TPRN: variants seen among roughly 807,000 people sequenced by gnomAD.
TPRN encodes the protein chromosome 9 open reading frame 75.
A neutral mutation model predicts 42.6 loss-of-function variants in TPRN; 32 were observed. The ratio of observed to expected loss-of-function variants is 0.75; its 90% CI spans 0.57 to 1.01. The LOEUF is 1.01. Among genes scored for constraint, TPRN ranks in the 50% least tolerant of loss-of-function variants. The pLI, the probability that TPRN is intolerant of heterozygous loss-of-function variation, is 0.00. For missense variants in TPRN, 1,095 were observed against 957.5 expected (o/e 1.14, Z -1.90); for synonymous variants, 541 against 445.6 (o/e 1.21, Z -2.70).
Position 137,192,009 on chromosome 9 carries a change from G to A in TPRN, c.*103C>T. The A allele has an allele frequency of 7.0e-7, 1 of 1,437,354 alleles. No homozygotes were observed. The highest frequency in any genetic ancestry group is 9.6e-7 in the Non-Finnish European group (1 of 1,046,736). 89.0% of individuals were successfully genotyped at this position (1,437,354 alleles called of 1,614,324 possible). The stretch of plus-strand genomic sequence containing the variant: ...GGCCAGGAGGGGTGGGTGGGATACA[G>A]TGAGGCCAAACAAGGCAGAAGCGGG... On this transcript the variant is annotated 3_prime_UTR_variant, in exon 4 of 4. Transcript: ENST00000409012.
chr9:137,192,364 G>C lies in TPRN; in HGVS notation c.1968C>G (p.Gly656=). 1 of 1,612,796 alleles carries C rather than the reference G, an allele frequency of 6.2e-7. No homozygotes were observed. The highest frequency in any genetic ancestry group is 8.5e-7 in the Non-Finnish European group (1 of 1,179,940). Residue 656 remains glycine (G), a splice_region_variant and synonymous_variant, in exon 3 of 4, where the codon GGC becomes GGG. Coordinates refer to ENST00000409012, the MANE Select transcript of TPRN (RefSeq NM_001128228.3). ...ESSRLPEGSS[G]LSSYTPKHSV... The stretch of plus-strand genomic sequence containing the variant: ...AGTGCTTCGGGGTGTAGCTGGACAG[G>C]CCTGTGAATGGAGGTGCACATGCAG...
chr9:137,193,075 G>A lies in TPRN; in HGVS notation c.1726-384C>T, dbSNP rs1834650997. On this transcript the variant is annotated intron_variant, in intron 1 of 3. Coordinates refer to ENST00000409012, the MANE Select transcript of TPRN (RefSeq NM_001128228.3). ...GGGTGGACACATCCCCTCCCACCAA[G>A]CAGCTCTAGAGCAGGAACAGGGTGG... The A allele has an allele frequency of 4.5e-5, 13 of 287,022 alleles. 1 individual carries two copies. In the South Asian group the frequency reaches 5.3e-4, roughly 12 times the overall value. The allele number at this position is 287,022 out of a possible 1,614,324, so 17.8% of individuals were successfully genotyped here. A position where few individuals can be genotyped will look rare whatever the true frequency, so the allele number is the denominator to read the frequency against.
intron 1 of TPRN, chr9:137,193,639 C>T (rs576558766): frequency 3.1e-4 from 47 of 152,516 alleles, no homozygotes; most frequent in African/African-American, 8.7e-4. Context: ...GCACTCAGCC[C>T]GGCCCCAGTG....
Position 137,199,063 on chromosome 9 carries a change from T to C in TPRN, c.1649A>G (p.His550Arg), listed in dbSNP as rs369314276. The change falls in exon 1 of 4, where the codon CAT (histidine) becomes CGT (arginine). Residue 550 changes from histidine to arginine, a missense_variant. Transcript: ENST00000409012. The part of the protein sequence containing the change: ...PTLKKRYPTV[H>R]EIEVIGGYLA... Reference sequence around the variant, plus strand: ...GTAGCCGCCAATCACCTCGATCTCATGCACGGTGGGGTAGCGCTTCTTCAA... The same window carrying C: ...GTAGCCGCCAATCACCTCGATCTCACGCACGGTGGGGTAGCGCTTCTTCAA... 1.2e-5 allele frequency: 20 copies of C among 1,613,210 alleles called. No individual in the cohort carries two copies. Among genetic ancestry groups the C allele is most frequent in the Non-Finnish European group, 1.6e-5 (19 of 1,180,008 alleles).
In TPRN at chr9:137,199,628, A is replaced by G; in HGVS notation, c.1084T>C (p.Ser362Pro). 6.4e-7 allele frequency: 1 copy of G among 1,562,714 alleles called. No homozygotes were observed. ...ELPKGDLGPA[S>P]PSQELGSQPV... ...TGGGATCCGAGCTCCTGGCTCGGGGAGGCCGGGCCCAGGTCTCCCTTTGGC... is the reference window on the plus strand; with the variant it reads ...TGGGATCCGAGCTCCTGGCTCGGGGGGGCCGGGCCCAGGTCTCCCTTTGGC... Residue 362 changes from serine (S) to proline (P), a missense_variant, in exon 1 of 4, where the codon TCC becomes CCC. By Grantham distance (74) the Ser-to-Pro change is moderately conservative. Coordinates refer to ENST00000409012, the MANE Select transcript of TPRN (RefSeq NM_001128228.3).
rs1207198808 is a variant in TPRN, at chr9:137,192,431, T to C, written c.1966+20A>G. 1.9e-6 allele frequency: 3 copies of C among 1,608,840 alleles called. No individual in the cohort carries two copies. Among genetic ancestry groups the C allele is most frequent in the African/African-American group, 2.7e-5 (2 of 74,864 alleles). The stretch of plus-strand genomic sequence containing the variant: ...GGCTCCACCCCTCCCAGGCTGCCTG[T>C]CCCCCAGGTGGGCACTCACCTGAGC... On this transcript the variant is annotated intron_variant, in intron 2 of 3. Transcript: ENST00000409012.
rs1834767526 is a variant in TPRN, at chr9:137,199,651, G to C, written c.1061C>G (p.Pro354Arg). The change falls in exon 1 of 4, where the codon CCA becomes CGA. Residue 354 changes from proline to arginine, a missense_variant. By Grantham distance (103) the Pro-to-Arg change is moderately radical. Transcript: ENST00000409012. ...PPEGRQSVEL[P>R]KGDLGPASPS... Reference sequence around the variant, plus strand: ...GGAGGCCGGGCCCAGGTCTCCCTTTGGCAGCTCCACGGACTGCCTCCCCTC... The same window carrying C: ...GGAGGCCGGGCCCAGGTCTCCCTTTCGCAGCTCCACGGACTGCCTCCCCTC... 2 of 1,578,250 alleles carry C rather than the reference G, an allele frequency of 1.3e-6. No homozygotes were observed. The highest frequency in any genetic ancestry group is 1.1e-5 in the South Asian group (1 of 87,100).
chr9:137,199,315 G>T lies in TPRN; in HGVS notation c.1397C>A (p.Ala466Asp), dbSNP rs1361500522. Residue 466 changes from alanine to aspartate, a missense_variant, in exon 1 of 4, where the codon GCC becomes GAC. Physicochemically the swap from Ala to Asp is moderately radical, Grantham distance 126. Transcript: ENST00000409012. Reference protein sequence around the residue: ...TFIDEVDSEEAPQAAKLPYLP... With the variant: ...TFIDEVDSEEDPQAAKLPYLP... ...GTAGGGTAGTTTGGCTGCTTGGGGG[G>T]CCTCCTCCGAGTCTACCTCATCGAT... 1 of 1,612,428 alleles carries T rather than the reference G, an allele frequency of 6.2e-7. No homozygotes were observed.
Position 137,200,571 on chromosome 9 carries a change from C to G in TPRN, c.141G>C (p.Arg47=). 1 of 1,150,706 alleles carries G rather than the reference C, an allele frequency of 8.7e-7. No individual in the cohort carries two copies. The highest frequency in any genetic ancestry group is 1.1e-6 in the Non-Finnish European group (1 of 939,462). The allele number at this position is 1,150,706 out of a possible 1,614,324, so 71.3% of individuals were successfully genotyped here. The change falls in exon 1 of 4, where the codon CGG becomes CGC. Residue 47 remains arginine (R), a synonymous_variant. Coordinates refer to ENST00000409012, the MANE Select transcript of TPRN (RefSeq NM_001128228.3). This position sits in a 1 kb window ranked among gnomAD's most constrained non-coding sequence, Gnocchi z 4.3. ...AGPGAAEPEQ[R]VLAESLGPLR... is the part of the protein sequence containing the mutation. ...GCGGGCCCAGGCTCTCGGCCAGCAC[C>G]CGCTGCTCGGGCTCCGCCGCCCCGG...
Position 137,191,928 on chromosome 9 carries a change from G to A in TPRN, c.*184C>T, listed in dbSNP as rs1045062608. The A allele has an allele frequency of 2.6e-5, 19 of 735,410 alleles. 1 individual carries two copies. The highest frequency in any genetic ancestry group is 3.5e-5 in the Non-Finnish European group (15 of 432,200). The allele number at this position is 735,410 out of a possible 1,614,324, so 45.6% of individuals were successfully genotyped here. ...CCTTGGACCCTCCCAAATCAGGGCC[G>A]GGGAGTGAGACCCAGACCTGGCCCC... On this transcript the variant is annotated 3_prime_UTR_variant, in exon 4 of 4. Transcript: ENST00000409012.
Position 137,199,244 on chromosome 9 carries a change from C to T in TPRN, c.1468G>A (p.Val490Met), listed in dbSNP as rs144139211. ...CTGCCCCGGGGCTGAAGCTCTGCCA[C>T]GCACCCGGGCCTGGCAGGGTGCAGA... ...RPLHPARPGC[V>M]AELQPRGSNT... The change falls in exon 1 of 4, where the codon GTG (valine) becomes ATG (methionine). Residue 490 changes from valine (V) to methionine (M), a missense_variant. Val to Met is a conservative substitution (Grantham distance 21). Coordinates refer to ENST00000409012, the MANE Select transcript of TPRN (RefSeq NM_001128228.3). The T allele has an allele frequency of 1.1e-4, 183 of 1,612,908 alleles. 1 individual carries two copies. The African/African-American group carries it at 1.4e-3, about 13-fold the overall frequency.
At chr9:137,192,906 T>G in intron 1 of TPRN, 3 of 593,154 alleles carry the variant, frequency 5.1e-6, no homozygotes, top group Non-Finnish European at 9.0e-6. Context: ...CCCCTCCCCA[T>G]TCCAGCCAGG....
chr9:137,192,296 G>A lies in TPRN; in HGVS notation c.2036C>T (p.Ala679Val), dbSNP rs544238175. Residue 679 changes from alanine (A) to valine (V), a missense_variant, in exon 3 of 4, where the codon GCC (alanine) becomes GTC (valine). Physicochemically the swap from Ala to Val is moderately conservative, Grantham distance 64 (BLOSUM62 0). Transcript: ENST00000409012. ...GGGCGGGGGCTCTGCCTCCCTCGGG[G>A]CCTGCTCCAGCGCCTGCTCCTGCCA... ...SKWQEQALEQ[A>V]PREAEPPPVE... 1 of 1,613,000 alleles carries A rather than the reference G, an allele frequency of 6.2e-7. No individual in the cohort carries two copies. The highest frequency in any genetic ancestry group is 2.2e-5 in the East Asian group (1 of 44,874).
Position 137,200,381 on chromosome 9 carries a change from G to A in TPRN, c.331C>T (p.Pro111Ser). Residue 111 changes from proline to serine, a missense_variant, in exon 1 of 4, where the codon CCC (proline) becomes TCC (serine). Coordinates refer to ENST00000409012, the MANE Select transcript of TPRN (RefSeq NM_001128228.3). The surrounding 1 kb of genome is among the most constrained non-coding windows in gnomAD (Gnocchi z 4.3). ...ETVPGFPPAP[P>S]APGAAQIRAA... ...CGGATCTGCGCGGCCCCCGGGGCGG[G>A]CGGCGCGGGCGGGAAGCCGGGCACC... The A allele has an allele frequency of 9.2e-7, 1 of 1,083,798 alleles. No homozygotes were observed. The highest frequency in any genetic ancestry group is 3.1e-5 in the South Asian group (1 of 32,340). The allele number at this position is 1,083,798 out of a possible 1,614,324, so 67.1% of individuals were successfully genotyped here.
In TPRN at chr9:137,200,478, C is replaced by T. The variant is rs1474856201; in HGVS notation, c.234G>A (p.Arg78=). The part of the protein sequence containing the change: ...RRRGGGAAGA[R]LLERYRRVPG... Reference sequence around the variant, plus strand: ...GCACGCGGCGGTACCGCTCCAGCAGCCGCGCCCCCGCCGCGCCCCCGCCGC... The same window carrying T: ...GCACGCGGCGGTACCGCTCCAGCAGTCGCGCCCCCGCCGCGCCCCCGCCGC... Residue 78 remains arginine, a synonymous_variant, in exon 1 of 4, where the codon CGG becomes CGA. Transcript: ENST00000409012. The surrounding 1 kb of genome is among the most constrained non-coding windows in gnomAD (Gnocchi z 4.3). 4 of 1,120,730 alleles carry T rather than the reference C, an allele frequency of 3.6e-6. No homozygotes were observed. Among genetic ancestry groups the T allele is most frequent in the Non-Finnish European group, 4.4e-6 (4 of 918,318 alleles). The allele number at this position is 1,120,730 out of a possible 1,614,324, so 69.4% of individuals were successfully genotyped here. A position where few individuals can be genotyped will look rare whatever the true frequency, so the allele number is the denominator to read the frequency against.
chr9:137,191,703 G>T lies in TPRN; in HGVS notation c.*409C>A, dbSNP rs572750575. On this transcript the variant is annotated 3_prime_UTR_variant, in exon 4 of 4. Transcript: ENST00000409012. ...CAGAGGGCATGTGGGCTGCGGGCAG[G>T]GGCTTAGGGTCCTGCAGAGGACAAG... is the stretch of plus-strand genomic sequence containing the variant. 4 of 348,218 alleles carry T rather than the reference G, an allele frequency of 1.1e-5. No homozygotes were observed. In the East Asian group the frequency reaches 2.8e-4, roughly 25 times the overall value. The allele number at this position is 348,218 out of a possible 1,614,324, so 21.6% of individuals were successfully genotyped here.
intron 1 of TPRN, 39 bp downstream of exon 1, chr9:137,198,948 C>G: frequency 6.2e-7 from 1 of 1,611,382 alleles, no homozygotes; most frequent in Non-Finnish European, 8.5e-7. Context: ...AGCTGTCACT[C>G]TCTCCCTGCC....
rs1400311355 is a variant in TPRN at position 137,199,675 on chromosome 9, T to A, written c.1037A>T (p.Glu346Val). The A allele has an allele frequency of 6.3e-7, 1 of 1,599,726 alleles. No individual in the cohort carries two copies. Among genetic ancestry groups the A allele is most frequent in the East Asian group, 2.3e-5 (1 of 44,372 alleles). ...TGGCAGCTCCACGGACTGCCTCCCC[T>A]CAGGAGGAGGAGCCCCGGAGGCCTT... Reference protein sequence around the residue: ...KSKASGAPPPEGRQSVELPKG... With the variant: ...KSKASGAPPPVGRQSVELPKG... The change falls in exon 1 of 4, where the codon GAG becomes GTG. Residue 346 changes from glutamate to valine, a missense_variant. Transcript: ENST00000409012.
Position 137,191,941 on chromosome 9 carries a change from C to G in TPRN, c.*171G>C. 1.2e-6 allele frequency: 1 copy of G among 811,258 alleles called. No homozygotes were observed. Among genetic ancestry groups the G allele is most frequent in the Non-Finnish European group, 2.0e-6 (1 of 496,664 alleles). The allele number at this position is 811,258 out of a possible 1,614,324, so 50.3% of individuals were successfully genotyped here. A position where few individuals can be genotyped will look rare whatever the true frequency, so the allele number is the denominator to read the frequency against. On this transcript the variant is annotated 3_prime_UTR_variant, in exon 4 of 4. Transcript: ENST00000409012. ...CAAATCAGGGCCGGGGAGTGAGACC[C>G]AGACCTGGCCCCGATGGCAGGAGGC...
Sources: allele counts gnomAD v4.1 joint callset, GRCh38; gene constraint gnomAD v4.1.1; non-coding constraint Gnocchi (gnomAD v3.1); transcripts MANE v1.5; gene names NCBI Gene and HGNC (gene_info 2026-07-23, HGNC 2026-07-21).